The following TLK1 variants were observed in gnomAD, a reference collection of about 807,000 sequenced individuals.
The protein encoded by TLK1 is serine/threonine-protein kinase tousled-like 1.
In TLK1, 24 loss-of-function variants were observed where a neutral mutation model predicts 105.3. The observed-to-expected ratio is 0.23, with a 90% CI of 0.17 to 0.32. The LOEUF is 0.32. Ranked by LOEUF, TLK1 falls within the 10% of genes least tolerant of loss-of-function variation. The probability of loss-of-function intolerance (pLI) is 1.00; values close to 1 mark genes in which losing one functional copy is unlikely to be tolerated. For missense variants in TLK1, 558 were observed against 910.5 expected (o/e 0.61, Z 4.98); for synonymous variants, 321 against 310.4 (o/e 1.03, Z -0.36).
intron 3 of TLK1, among the ~76,000 whole-genome samples, chr2:171,071,524 T>C (rs79908875): frequency 0.13 from 20,129 of 152,136 alleles, 1,613 homozygotes; most frequent in East Asian, 0.24. Context: ...CCTGACATAG[T>C]GATCTGCCTG....
At chr2:171,227,042 T>C (rs1693909999) in intron 1 of TLK1, among the ~76,000 whole-genome samples, 1 of 152,186 alleles carries the variant, frequency 6.6e-6, no homozygotes, top group African/African-American at 2.4e-5. Flanking sequence ...TTGTTTTAAC[T>C]TTTCTCCTAC....
intron 1 of TLK1, among the ~76,000 whole-genome samples, chr2:171,129,894 AATTCTAAAT>A (rs1691031602): frequency 6.7e-6 from 1 of 149,858 alleles, no homozygotes; most frequent in African/African-American, 2.5e-5. Flanking sequence ...ACATGGGTAA[AATTCTAAAT>A]ATTCTAAATA....
rs368153011 is a variant in TLK1, at chr2:171,014,959, A to G, written c.1237-11T>C. On this transcript the variant is annotated splice_polypyrimidine_tract_variant and intron_variant, in intron 12 of 20. Transcript: ENST00000431350. ...GATTTCTGCCTCTTCCTGAAAATGA[A>G]GAGAGGGGACTATAACAAGCTCAAT... 211 of 1,597,720 alleles carry G rather than the reference A, an allele frequency of 1.3e-4. No individual in the cohort carries two copies. Among genetic ancestry groups the G allele is most frequent in the Non-Finnish European group, 1.7e-4 (196 of 1,165,580 alleles).
intron 3 of TLK1, among the ~76,000 whole-genome samples, chr2:171,065,532 C>T (rs576014606): frequency 1.4e-3 from 180 of 125,526 alleles, no homozygotes; most frequent in African/African-American, 4.8e-3. Context: ...ACTTCACTGG[C>T]TATTCTTTCT....
chr2:171,105,353 TAACCATACAAA>T (rs1446354063), intron 2 of TLK1, among the ~76,000 whole-genome samples: 1 of 152,152 alleles, frequency 6.6e-6, no homozygotes, highest in Non-Finnish European at 1.5e-5. Flanking sequence ...TTGAAAGAAG[TAACCATACAAA>T]AACCATACAA....
chr2:171,006,778 T>C (rs753018171), intron 16 of TLK1, 22 bp downstream of exon 16: 5 of 1,605,988 alleles, frequency 3.1e-6, no homozygotes, highest in Admixed American at 3.3e-5. Context: ...TCCTTAAAAA[T>C]TGAACCTTAA....
At chr2:171,063,996 C>T (rs151284576) in intron 3 of TLK1, among the ~76,000 whole-genome samples, 11 of 152,282 alleles carry the variant, frequency 7.2e-5, no homozygotes, top group African/African-American at 2.6e-4. Flanking sequence ...TAGATTACTT[C>T]GTGAAGCCTT....
chr2:171,019,316 A>G (rs1685363408), intron 12 of TLK1, among the ~76,000 whole-genome samples: 1 of 152,216 alleles, frequency 6.6e-6, no homozygotes, highest in Non-Finnish European at 1.5e-5. Context: ...CAGGTTAAAA[A>G]TGATAGGTGG....
intron 1 of TLK1, among the ~76,000 whole-genome samples, chr2:171,128,341 T>C (rs1016692788): frequency 4.6e-5 from 7 of 152,188 alleles, no homozygotes; most frequent in Non-Finnish European, 8.8e-5. Context: ...TGTGTAAAGT[T>C]TGGTCAAGTT....
intron 11 of TLK1, among the ~76,000 whole-genome samples, chr2:171,043,195 G>C (rs2105417690): frequency 6.6e-6 from 1 of 152,304 alleles, no homozygotes; most frequent in South Asian, 2.1e-4. Context: ...CGACTGAAGA[G>C]ATAGAGGGTA....
At chr2:171,064,961 G>C (rs907056391) in intron 3 of TLK1, among the ~76,000 whole-genome samples, 1 of 152,146 alleles carries the variant, frequency 6.6e-6, no homozygotes, top group African/African-American at 2.4e-5. Flanking sequence ...ATTTTACTTG[G>C]AACTTAGGTC....
At chr2:171,047,780 G>T (rs1237548104) in intron 10 of TLK1, among the ~76,000 whole-genome samples, 1 of 151,978 alleles carries the variant, frequency 6.6e-6, no homozygotes, top group African/African-American at 2.4e-5. Context: ...GATTACTCAG[G>T]GATGACTATA....
intron 3 of TLK1, among the ~76,000 whole-genome samples, chr2:171,062,995 T>C (rs1476623592): frequency 6.6e-6 from 1 of 152,194 alleles, no homozygotes; most frequent in African/African-American, 2.4e-5. Flanking sequence ...ATCAATCTTC[T>C]GTTTTCCTAG....
intron 11 of TLK1, among the ~76,000 whole-genome samples, chr2:171,044,715 T>C (rs1457225790): frequency 1.3e-5 from 2 of 152,092 alleles, no homozygotes; most frequent in African/African-American, 2.4e-5. Flanking sequence ...ATTTTACAGA[T>C]TGGTAAGTAA....
intron 1 of TLK1, among the ~76,000 whole-genome samples, chr2:171,149,816 A>T (rs566265203): frequency 6.6e-6 from 1 of 152,230 alleles, no homozygotes; most frequent in African/African-American, 2.4e-5. Flanking sequence ...TGAGATGAAG[A>T]AGTATGCTTG....
At chr2:171,074,916 G>A (rs1163106310) in intron 3 of TLK1, among the ~76,000 whole-genome samples, 1 of 151,892 alleles carries the variant, frequency 6.6e-6, no homozygotes, top group Non-Finnish European at 1.5e-5. Context: ...AATTTATTCA[G>A]GAGTAAAAGG....
At chr2:171,043,981 A>G (rs1686818291) in intron 11 of TLK1, among the ~76,000 whole-genome samples, 1 of 152,234 alleles carries the variant, frequency 6.6e-6, no homozygotes, top group Non-Finnish European at 1.5e-5. Context: ...CAGTTCTTTT[A>G]AAAAATTAAT....
chr2:171,062,924 A>C (rs1318262894), intron 3 of TLK1, among the ~76,000 whole-genome samples: 1 of 152,236 alleles, frequency 6.6e-6, no homozygotes, highest in Non-Finnish European at 1.5e-5. Flanking sequence ...TGTACCAGCA[A>C]TTTTGGGTAG....
At chr2:171,068,293 C>T (rs1688104641) in intron 3 of TLK1, among the ~76,000 whole-genome samples, 1 of 152,080 alleles carries the variant, frequency 6.6e-6, no homozygotes. Context: ...CGCGCCATTG[C>T]ACTCCAGCCT....
Sources: allele counts gnomAD v4.1 joint callset (sites outside exome capture counted in the v4.1 genomes callset), GRCh38; gene constraint gnomAD v4.1.1; transcripts MANE v1.5; gene names NCBI Gene and HGNC (gene_info 2026-07-23, HGNC 2026-07-21).